ASPA: variants seen among roughly 807,000 people sequenced by gnomAD.
ASPA encodes the protein ACY-2.
Under a neutral mutation model 29.6 loss-of-function variants are expected in ASPA, and 25 were observed. The observed-to-expected ratio is 0.85, with a 90% CI of 0.62 to 1.18. ASPA has a LOEUF of 1.18. Ranked by LOEUF, ASPA falls within the 50% of genes most tolerant of loss-of-function variation. ASPA has a pLI of 0.00. For missense variants in ASPA, 333 were observed against 385.7 expected, an observed-to-expected ratio of 0.86 and a Z score of 1.14; for synonymous variants, 131 against 130.3, an observed-to-expected ratio of 1.01 and a Z score of -0.04.
At chr17:3,486,021 C>T (rs971861076) in intron 3 of ASPA, among the ~76,000 whole-genome samples, 2 of 151,870 alleles carry the variant, frequency 1.3e-5, no homozygotes, top group African/African-American at 4.8e-5. Flanking sequence ...CAACCTCCGC[C>T]TCCTGGGTTT....
In ASPA at chr17:3,481,793, A is replaced by G. The variant is rs199565861; in HGVS notation, c.427A>G (p.Ile143Val). Residue 143 changes from isoleucine to valine, a missense_variant, in exon 2 of 6, where the codon ATT (isoleucine) becomes GTT (valine). Coordinates refer to ENST00000263080, the MANE Select transcript of ASPA (RefSeq NM_000049.4). ...NNFLIQMFHY[I>V]KTSLAPLPCY... is the part of the protein sequence containing the mutation. ...CTTTTTAATTCAGATGTTTCATTAC[A>G]TTAAGGTAATGTTAATGTTATTAAT... 266 of 1,596,010 alleles carry G rather than the reference A, an allele frequency of 1.7e-4. No homozygotes were observed. Among genetic ancestry groups the G allele is most frequent in the Admixed American group, 3.2e-4 (19 of 59,254 alleles).
Position 3,481,685 on chromosome 17 carries a change from G to C in ASPA, c.319G>C (p.Asp107His). The change falls in exon 2 of 6, where the codon GAT becomes CAT. Residue 107 changes from aspartate to histidine, a missense_variant. Asp to His is a moderately conservative substitution (Grantham distance 81). Transcript: ENST00000263080. ...NHLFGPKDSE[D>H]SYDIIFDLHN... ...TTTATTTGGTCCAAAAGACAGTGAAGATTCCTATGACATTATTTTTGACCT... is the reference window on the plus strand; with the variant it reads ...TTTATTTGGTCCAAAAGACAGTGAACATTCCTATGACATTATTTTTGACCT... 2 of 1,613,908 alleles carry C rather than the reference G, an allele frequency of 1.2e-6. No homozygotes were observed. Among genetic ancestry groups the C allele is most frequent in the Admixed American group, 3.3e-5 (2 of 60,004 alleles).
At chr17:3,477,280 C>T (rs75502128) in intron 1 of ASPA, among the ~76,000 whole-genome samples, 2,231 of 152,220 alleles carry the variant, frequency 0.015, 66 homozygotes, top group African/African-American at 0.051. Flanking sequence ...CTAAAGACAC[C>T]ATCTGAATTT....
At chr17:3,494,863 A>G (rs902252129) in intron 5 of ASPA, among the ~76,000 whole-genome samples, 5 of 152,158 alleles carry the variant, frequency 3.3e-5, no homozygotes, top group African/African-American at 1.2e-4. Flanking sequence ...AATATAAGGA[A>G]ATACAGGGAC....
At position 3,494,461 on chromosome 17, in the gene ASPA, T is replaced by C; in HGVS notation, c.744+2T>C. On this transcript the variant is annotated splice_donor_variant, in intron 5 of 5. Coordinates refer to ENST00000263080, the MANE Select transcript of ASPA (RefSeq NM_000049.4). LOFTEE classifies it high-confidence loss of function. ...GCTATCATCCATCCTAATCTGCAGG[T>C]AACATTTGTTCTTTCTTTAAAATGT... 6.3e-7 allele frequency: 1 copy of C among 1,590,850 alleles called. No homozygotes were observed. Among genetic ancestry groups the C allele is most frequent in the Non-Finnish European group, 8.6e-7 (1 of 1,158,726 alleles).
chr17:3,493,547 C>T (rs1231354837), intron 4 of ASPA, among the ~76,000 whole-genome samples: 2 of 99,936 alleles, frequency 2.0e-5, no homozygotes, highest in African/African-American at 4.0e-5. Context: ...GGTGAAAGAG[C>T]GAGGTTCCAT....
chr17:3,489,396 A>G, intron 4 of ASPA, 54 bp downstream of exon 4: 2 of 1,414,982 alleles, frequency 1.4e-6, no homozygotes, highest in South Asian at 2.3e-5. Context: ...CATTTAAATA[A>G]CAATTGGAAC....
chr17:3,491,869 T>C (rs1202807855), intron 4 of ASPA, among the ~76,000 whole-genome samples: 3 of 128,110 alleles, frequency 2.3e-5, no homozygotes, highest in African/African-American at 8.4e-5. Context: ...ATTTTTTTCT[T>C]TTGTTTTCTT....
rs2150741793 is a variant in ASPA, at chr17:3,476,300, G to A, written c.141G>A (p.Glu47=). The A allele has an allele frequency of 6.2e-7, 1 of 1,614,146 alleles. No individual in the cohort carries two copies. Among genetic ancestry groups the A allele is most frequent in the Non-Finnish European group, 8.5e-7 (1 of 1,180,014 alleles). Residue 47 remains glutamate, a synonymous_variant, in exon 1 of 6, where the codon GAG becomes GAA. Coordinates refer to ENST00000263080, the MANE Select transcript of ASPA (RefSeq NM_000049.4). ...CTGAGATTCAGAGAACAGGGCTGGA[G>A]GTAAAACCATTTATTACTAACCCCA... is the stretch of plus-strand genomic sequence containing the variant. The part of the protein sequence containing the change: ...NGAEIQRTGL[E]VKPFITNPRA...
At chr17:3,483,472 A>G in intron 2 of ASPA, 27 bp from the exon 3 acceptor site, 3 of 1,590,962 alleles carry the variant, frequency 1.9e-6, no homozygotes, top group Non-Finnish European at 2.6e-6. Context: ...GTTTTTACCT[A>G]AGAAAGACGT....
At chr17:3,495,152 A>C (rs1023586052) in intron 5 of ASPA, among the ~76,000 whole-genome samples, 7 of 152,206 alleles carry the variant, frequency 4.6e-5, no homozygotes, top group Admixed American at 4.6e-4. Context: ...GCAAAGGGAA[A>C]AGGAGAGAAG....
In ASPA at chr17:3,496,795, G is replaced by T. The variant is rs141950853; in HGVS notation, c.745-2096G>T. Among the ~76,000 whole-genome samples, 42 of 152,288 alleles carry T rather than the reference G, an allele frequency of 2.8e-4. 1 individual carries two copies. The highest frequency in any genetic ancestry group is 4.7e-4 in the Non-Finnish European group (32 of 68,026). ...AAAATGCTGATTCCTGGCCAGGAGC[G>T]GTGGCTCACGCCTGTAATCCCAGCG... On this transcript the variant is annotated intron_variant, in intron 5 of 5. Coordinates refer to ENST00000263080, the MANE Select transcript of ASPA (RefSeq NM_000049.4).
rs889756628 is a variant in ASPA at position 3,488,249 on chromosome 17, G to C, written c.527-986G>C. Among the ~76,000 whole-genome samples, 1 of 152,196 alleles carries C rather than the reference G, an allele frequency of 6.6e-6. No individual in the cohort carries two copies. The highest frequency in any genetic ancestry group is 1.5e-5 in the Non-Finnish European group (1 of 68,030). On this transcript the variant is annotated intron_variant, in intron 3 of 5. Transcript: ENST00000263080. This position sits in a 1 kb window ranked among gnomAD's most constrained non-coding sequence, Gnocchi z 6.1. ...GGTCTACAAAAGTAGTTTAAAGAAA[G>C]AGTATTTTGTAGATGTAAGGATGGA...
intron 4 of ASPA, among the ~76,000 whole-genome samples, chr17:3,491,307 G>A (rs1490968300): frequency 1.3e-5 from 2 of 152,174 alleles, no homozygotes; most frequent in Admixed American, 1.3e-4. Flanking sequence ...AATAAGGGAG[G>A]TAATGGTCTT....
At position 3,492,681 on chromosome 17, in the gene ASPA, G is replaced by A. The variant is rs533084486; in HGVS notation, c.635-1669G>A. The stretch of plus-strand genomic sequence containing the variant: ...ACCATTATGTACAACAGCCCACATT[G>A]GCCTGCTGGATAATGAAAGCCTTTG... On this transcript the variant is annotated intron_variant, in intron 4 of 5. Transcript: ENST00000263080. 2.0e-3 allele frequency among the ~76,000 whole-genome samples: 312 copies of A among 152,248 alleles called. 2 individuals carry two copies. The highest frequency in any genetic ancestry group is 7.3e-3 in the African/African-American group (302 of 41,538).
At position 3,481,672 on chromosome 17, in the gene ASPA, A is replaced by G. The variant is rs2073631286; in HGVS notation, c.306A>G (p.Pro102=). Residue 102 remains proline (P), a synonymous_variant, in exon 2 of 6, where the codon CCA becomes CCG. Coordinates refer to ENST00000263080, the MANE Select transcript of ASPA (RefSeq NM_000049.4). ...AAGAAATAAATCATTTATTTGGTCC[A>G]AAAGACAGTGAAGATTCCTATGACA... is the stretch of plus-strand genomic sequence containing the variant. ...RAQEINHLFG[P]KDSEDSYDII... 3 of 1,613,962 alleles carry G rather than the reference A, an allele frequency of 1.9e-6. No homozygotes were observed. Among genetic ancestry groups the G allele is most frequent in the East Asian group, 2.2e-5 (1 of 44,842 alleles).
chr17:3,494,036 GA>G (rs1159066474), intron 4 of ASPA, among the ~76,000 whole-genome samples: 1 of 64,744 alleles, frequency 1.5e-5, no homozygotes, highest in Non-Finnish European at 3.0e-5. Context: ...CCTTTTTCCA[GA>G]TTTTTTTTTT....
Position 3,490,390 on chromosome 17 carries a change from T to C in ASPA, c.634+1048T>C, listed in dbSNP as rs980087046. 5.3e-5 allele frequency among the ~76,000 whole-genome samples: 8 copies of C among 152,148 alleles called. No individual in the cohort carries two copies. Among genetic ancestry groups the C allele is most frequent in the Non-Finnish European group, 8.8e-5 (6 of 68,030 alleles). ...AAAAAGTTTACTTTAAAATGGAAAATAGTTGCTTAAAATCAAAGAGACATT... is the reference window on the plus strand; with the variant it reads ...AAAAAGTTTACTTTAAAATGGAAAACAGTTGCTTAAAATCAAAGAGACATT... On this transcript the variant is annotated intron_variant, in intron 4 of 5. Coordinates refer to ENST00000263080, the MANE Select transcript of ASPA (RefSeq NM_000049.4). This position sits in a 1 kb window ranked among gnomAD's most constrained non-coding sequence, Gnocchi z 4.6.
chr17:3,496,838 G>A (rs138709375), intron 5 of ASPA, among the ~76,000 whole-genome samples: 5,442 of 152,110 alleles, frequency 0.036, 151 homozygotes, highest in Non-Finnish European at 0.045. Flanking sequence ...AGGCCGAGGC[G>A]GGCGGATCAC....
Sources: allele counts gnomAD v4.1 joint callset (sites outside exome capture counted in the v4.1 genomes callset), GRCh38; gene constraint gnomAD v4.1.1; non-coding constraint Gnocchi (gnomAD v3.1); transcripts MANE v1.5; gene names NCBI Gene and HGNC (gene_info 2026-07-23, HGNC 2026-07-21).